Variants in TRIM58 observed in about 807,000 individuals in gnomAD.
The protein encoded by TRIM58 is tripartite motif containing 58.
In TRIM58, 38 loss-of-function variants were observed where a neutral mutation model predicts 34.1. The ratio of observed to expected loss-of-function variants is 1.12; its 90% CI spans 0.86 to 1.46. The LOEUF is 1.46. Among genes scored for constraint, TRIM58 ranks in the 40% most tolerant of loss-of-function variants. The pLI, the probability that TRIM58 is intolerant of heterozygous loss-of-function variation, is 0.00. For synonymous variants in TRIM58, 273 were observed against 275.7 expected (o/e 0.99, Z 0.10); for missense variants, 677 against 642.0 (o/e 1.05, Z -0.59).
intron 1 of TRIM58, among the ~76,000 whole-genome samples, chr1:247,859,524 A>T (rs1361865618): frequency 2.0e-5 from 3 of 152,158 alleles, no homozygotes; most frequent in African/African-American, 7.2e-5. Context: ...CTTTGTGAGT[A>T]TTTAAAATAC....
At chr1:247,870,910 G>A in intron 5 of TRIM58, among the ~76,000 whole-genome samples, 1 of 81,034 alleles carries the variant, frequency 1.2e-5, no homozygotes, top group Non-Finnish European at 2.3e-5. Flanking sequence ...CCGTATCAGA[G>A]TCACGGCCAC....
At chr1:247,869,346 C>G (rs904464380) in intron 5 of TRIM58, among the ~76,000 whole-genome samples, 1 of 152,184 alleles carries the variant, frequency 6.6e-6, no homozygotes, top group African/African-American at 2.4e-5. Flanking sequence ...CTGAAAGTTT[C>G]AAGCCTCTAA....
Position 247,877,186 on chromosome 1 carries a change from C to G in TRIM58, c.*697C>G, listed in dbSNP as rs1416244463. On this transcript the variant is annotated 3_prime_UTR_variant, in exon 6 of 6. Coordinates refer to ENST00000366481, the MANE Select transcript of TRIM58 (RefSeq NM_015431.4). Reference sequence around the variant, plus strand: ...CTTCTGAATCTAATATCACTAACTCCTAGACTTTTTCCGTTTTCTTTGGAT... The same window carrying G: ...CTTCTGAATCTAATATCACTAACTCGTAGACTTTTTCCGTTTTCTTTGGAT... 1.3e-5 allele frequency: 2 copies of G among 152,114 alleles called. No homozygotes were observed. The highest frequency in any genetic ancestry group is 2.9e-5 in the Non-Finnish European group (2 of 68,048). The allele number at this position is 152,114 out of a possible 1,614,324, so 9.4% of individuals were successfully genotyped here.
chr1:247,857,420 G>C lies in TRIM58; in HGVS notation c.174G>C (p.Pro58=), dbSNP rs531789979. The change falls in exon 1 of 6, where the codon CCG becomes CCC. Residue 58 remains proline, a synonymous_variant. Transcript: ENST00000366481. ...DGAQGGVYAC[P]QCRGPFRPSG... is the part of the protein sequence containing the mutation. ...CGCAGGGCGGCGTCTACGCCTGTCCGCAGTGCCGGGGCCCCTTCCGGCCCT... is the reference window on the plus strand; with the variant it reads ...CGCAGGGCGGCGTCTACGCCTGTCCCCAGTGCCGGGGCCCCTTCCGGCCCT... The C allele has an allele frequency of 4.9e-5, 73 of 1,493,508 alleles. No homozygotes were observed. The East Asian group carries it at 1.9e-3, about 39-fold the overall frequency. The allele number at this position is 1,493,508 out of a possible 1,614,324, so 92.5% of individuals were successfully genotyped here. A position where few individuals can be genotyped will look rare whatever the true frequency, so the allele number is the denominator to read the frequency against.
chr1:247,857,324 G>C lies in TRIM58; in HGVS notation c.78G>C (p.Pro26=). Residue 26 remains proline, a synonymous_variant, in exon 1 of 6, where the codon CCG becomes CCC. Transcript: ENST00000366481. ...CPVCLDFLQE[P]VSVDCGHSFC... ...TGTGCCTGGATTTCCTGCAGGAGCC[G>C]GTCAGCGTGGACTGCGGCCACAGCT... 6.8e-7 allele frequency: 1 copy of C among 1,465,344 alleles called. No homozygotes were observed. The highest frequency in any genetic ancestry group is 9.1e-7 in the Non-Finnish European group (1 of 1,104,228). The allele number at this position is 1,465,344 out of a possible 1,614,324, so 90.8% of individuals were successfully genotyped here.
rs1663665213 is a variant in TRIM58, at chr1:247,857,574, G to A, written c.328G>A (p.Asp110Asn). 10 of 1,266,986 alleles carry A rather than the reference G, an allele frequency of 7.9e-6. No homozygotes were observed. Among genetic ancestry groups the A allele is most frequent in the Non-Finnish European group, 8.9e-6 (9 of 1,010,692 alleles). The allele number at this position is 1,266,986 out of a possible 1,614,324, so 78.5% of individuals were successfully genotyped here. The part of the protein sequence containing the change: ...GEDLSRFCEE[D>N]EAALCWVCDA... ...GGACCTGAGCCGCTTCTGCGAGGAG[G>A]ACGAGGCGGCGCTGTGCTGGGTGTG... is the stretch of plus-strand genomic sequence containing the variant. Residue 110 changes from aspartate to asparagine, a missense_variant, in exon 1 of 6, where the codon GAC becomes AAC. Physicochemically the swap from Asp to Asn is conservative, Grantham distance 23. Transcript: ENST00000366481.
At chr1:247,875,039 G>C (rs1000903102) in intron 5 of TRIM58, among the ~76,000 whole-genome samples, 2 of 152,178 alleles carry the variant, frequency 1.3e-5, no homozygotes, top group African/African-American at 4.8e-5. Flanking sequence ...AGCCAGCAAA[G>C]AGATATCAAA....
rs1220236967 is a variant in TRIM58, at chr1:247,879,831, T to C, written c.*3342T>C. Among the ~76,000 whole-genome samples the C allele has an allele frequency of 2.0e-5, 3 of 151,708 alleles. No homozygotes were observed. Among genetic ancestry groups the C allele is most frequent in the African/African-American group, 7.3e-5 (3 of 41,280 alleles). On this transcript the variant is annotated 3_prime_UTR_variant, in exon 6 of 6. Transcript: ENST00000366481. ...CTTCTGAGATCCAGCTTCTCAGTGA[T>C]ACCACACAGCCCTACTCCCCCCAGA...
chr1:247,860,520 G>A (rs927361751), intron 1 of TRIM58, 97 bp from the exon 2 acceptor site: 69 of 774,864 alleles, frequency 8.9e-5, no homozygotes, highest in Non-Finnish European at 1.3e-4. Context: ...GTGCTTTCTA[G>A]GGACTGTTTA....
chr1:247,876,720 C>A lies in TRIM58; in HGVS notation c.*231C>A. On this transcript the variant is annotated 3_prime_UTR_variant, in exon 6 of 6. Transcript: ENST00000366481. ...GCAATCTCAACCTCTATTTCTAGAT[C>A]ACATTTTCTTGATGTCTTCCTTCAA... is the stretch of plus-strand genomic sequence containing the variant. 1 of 497,504 alleles carries A rather than the reference C, an allele frequency of 2.0e-6. No homozygotes were observed. The highest frequency in any genetic ancestry group is 3.5e-6 in the Non-Finnish European group (1 of 283,606). 30.8% of individuals were successfully genotyped at this position (497,504 alleles called of 1,614,324 possible). A position where few individuals can be genotyped will look rare whatever the true frequency, so the allele number is the denominator to read the frequency against.
chr1:247,861,568 T>C (rs1435068426), intron 2 of TRIM58, among the ~76,000 whole-genome samples: 1 of 152,058 alleles, frequency 6.6e-6, no homozygotes, highest in Non-Finnish European at 1.5e-5. Flanking sequence ...TAATGTATTA[T>C]ATAATATGAT....
chr1:247,873,373 A>G (rs1659193829), intron 5 of TRIM58, among the ~76,000 whole-genome samples: 1 of 152,190 alleles, frequency 6.6e-6, no homozygotes, highest in African/African-American at 2.4e-5. Flanking sequence ...GGAATGGGAT[A>G]CAGACCATAT....
chr1:247,857,309 T>A lies in TRIM58; in HGVS notation c.63T>A (p.Asp21Glu). Residue 21 changes from aspartate (D) to glutamate (E), a missense_variant, in exon 1 of 6, where the codon GAT (aspartate) becomes GAA (glutamate). Coordinates refer to ENST00000366481, the MANE Select transcript of TRIM58 (RefSeq NM_015431.4). The stretch of plus-strand genomic sequence containing the variant: ...ATGCGCGGTGCCCGGTGTGCCTGGA[T>A]TTCCTGCAGGAGCCGGTCAGCGTGG... ...REDARCPVCL[D>E]FLQEPVSVDC... 2 of 1,433,834 alleles carry A rather than the reference T, an allele frequency of 1.4e-6. No individual in the cohort carries two copies. Among genetic ancestry groups the A allele is most frequent in the Non-Finnish European group, 1.8e-6 (2 of 1,085,888 alleles). The allele number at this position is 1,433,834 out of a possible 1,614,324, so 88.8% of individuals were successfully genotyped here. A position where few individuals can be genotyped will look rare whatever the true frequency, so the allele number is the denominator to read the frequency against.
intron 5 of TRIM58, among the ~76,000 whole-genome samples, chr1:247,873,331 G>A (rs549721620): frequency 6.6e-6 from 1 of 152,268 alleles, no homozygotes; most frequent in African/African-American, 2.4e-5. Context: ...TCATGATGAA[G>A]AATTGAGTTT....
rs1326750656 is a variant in TRIM58 at position 247,857,303 on chromosome 1, C to T, written c.57C>T (p.Cys19=). The change falls in exon 1 of 6, where the codon TGC becomes TGT. Residue 19 remains cysteine (C), a synonymous_variant. Coordinates refer to ENST00000366481, the MANE Select transcript of TRIM58 (RefSeq NM_015431.4). ...RLREDARCPV[C]LDFLQEPVSV... Reference sequence around the variant, plus strand: ...GCGAGGATGCGCGGTGCCCGGTGTGCCTGGATTTCCTGCAGGAGCCGGTCA... The same window carrying T: ...GCGAGGATGCGCGGTGCCCGGTGTGTCTGGATTTCCTGCAGGAGCCGGTCA... 1.4e-6 allele frequency: 2 copies of T among 1,424,724 alleles called. No individual in the cohort carries two copies. The highest frequency in any genetic ancestry group is 1.8e-6 in the Non-Finnish European group (2 of 1,081,220). The allele number at this position is 1,424,724 out of a possible 1,614,324, so 88.3% of individuals were successfully genotyped here.
intron 1 of TRIM58, among the ~76,000 whole-genome samples, 182 bp downstream of exon 1, chr1:247,857,848 G>GTTA (rs1663676870): frequency 6.6e-6 from 1 of 152,124 alleles, no homozygotes; most frequent in Non-Finnish European, 1.5e-5. Flanking sequence ...CTTGGCTGTG[G>GTTA]TAACCCCCTT....
chr1:247,858,973 G>A (rs1460123736), intron 1 of TRIM58, among the ~76,000 whole-genome samples: 1 of 151,806 alleles, frequency 6.6e-6, no homozygotes, highest in Non-Finnish European at 1.5e-5. Context: ...CACTGTGTTG[G>A]CCAGGCTGGT....
chr1:247,862,046 T>G (rs1297320178), intron 2 of TRIM58, among the ~76,000 whole-genome samples: 1 of 152,172 alleles, frequency 6.6e-6, no homozygotes, highest in African/African-American at 2.4e-5. Context: ...GAGAATTGCT[T>G]GAACCTAGGA....
chr1:247,871,620 C>T (rs1659122757), intron 5 of TRIM58, among the ~76,000 whole-genome samples: 1 of 152,152 alleles, frequency 6.6e-6, no homozygotes, highest in Non-Finnish European at 1.5e-5. Context: ...ATGCTAAATG[C>T]CCAACTTGAT....
Sources: allele counts gnomAD v4.1 joint callset (sites outside exome capture counted in the v4.1 genomes callset), GRCh38; gene constraint gnomAD v4.1.1; transcripts MANE v1.5; gene names NCBI Gene and HGNC (gene_info 2026-07-23, HGNC 2026-07-21).